Variants in HSDL2 observed in about 807,000 individuals in gnomAD.
HSDL2 encodes the protein hydroxysteroid dehydrogenase like 2.
In HSDL2, 27 loss-of-function variants were observed where a neutral mutation model predicts 46.3. That is an observed-to-expected ratio of 0.58 (90% confidence interval 0.43 to 0.80). The LOEUF (loss-of-function observed/expected upper bound fraction) is 0.80. HSDL2 is among the 30% of genes least tolerant of loss of function. HSDL2 has a pLI of 0.00. For missense variants in HSDL2, 451 were observed against 502.7 expected (o/e 0.90, Z 0.98); for synonymous variants, 153 against 163.6 (o/e 0.94, Z 0.50).
Position 112,454,174 on chromosome 9 carries a change from A to T in HSDL2, c.1015+12A>T. ...GTTTGAACTCTCCGGTAAGGACTGCATCTGGTAATCTGAAGTTTTTATGAA... is the reference window on the plus strand; with the variant it reads ...GTTTGAACTCTCCGGTAAGGACTGCTTCTGGTAATCTGAAGTTTTTATGAA... On this transcript the variant is annotated intron_variant, in intron 9 of 10. Coordinates refer to ENST00000398805, the MANE Select transcript of HSDL2 (RefSeq NM_032303.5). 6.3e-7 allele frequency: 1 copy of T among 1,595,826 alleles called. No homozygotes were observed. Among genetic ancestry groups the T allele is most frequent in the Non-Finnish European group, 8.5e-7 (1 of 1,174,020 alleles).
intron 8 of HSDL2, among the ~76,000 whole-genome samples, chr9:112,444,312 T>C (rs1230902725): frequency 6.6e-6 from 1 of 152,222 alleles, no homozygotes; most frequent in African/African-American, 2.4e-5. Flanking sequence ...CAACAACTTA[T>C]AATAACCCCT....
At chr9:112,439,425 T>C (rs1036943043) in intron 7 of HSDL2, among the ~76,000 whole-genome samples, 1 of 149,418 alleles carries the variant, frequency 6.7e-6, no homozygotes, top group Non-Finnish European at 1.5e-5. Context: ...CTCTGTCTCA[T>C]GGACAGTAAA....
At chr9:112,453,835 T>C (rs145887724) in intron 8 of HSDL2, among the ~76,000 whole-genome samples, 178 bp from the exon 9 acceptor site, 27 of 152,154 alleles carry the variant, frequency 1.8e-4, no homozygotes, top group African/African-American at 6.3e-4. Flanking sequence ...AATTGATGTG[T>C]GTTTGACTGT....
chr9:112,467,076 C>G (rs761329360), intron 10 of HSDL2, among the ~76,000 whole-genome samples: 4 of 152,116 alleles, frequency 2.6e-5, no homozygotes, highest in Non-Finnish European at 4.4e-5. Flanking sequence ...AATATATACT[C>G]AAAAGAATTG....
chr9:112,393,940 T>C (rs1269033963), intron 1 of HSDL2, among the ~76,000 whole-genome samples: 1 of 152,154 alleles, frequency 6.6e-6, no homozygotes, highest in Non-Finnish European at 1.5e-5. Context: ...AAGCAGAATG[T>C]TTGAATCTAC....
intron 1 of HSDL2, among the ~76,000 whole-genome samples, chr9:112,400,787 A>G (rs4978488): frequency 0.47 from 71,467 of 152,008 alleles, 17,131 homozygotes; most frequent in Admixed American, 0.55. Context: ...CCTTGTGTTC[A>G]GGGCTTGCAG....
intron 9 of HSDL2, among the ~76,000 whole-genome samples, chr9:112,455,281 A>T (rs1164821082): frequency 7.3e-6 from 1 of 137,312 alleles, no homozygotes; most frequent in Non-Finnish European, 1.6e-5. Flanking sequence ...AATTCGTGTT[A>T]AAAAAAAAAA....
chr9:112,434,522 C>T (rs1276075294), intron 6 of HSDL2, among the ~76,000 whole-genome samples: 3 of 152,184 alleles, frequency 2.0e-5, no homozygotes, highest in Admixed American at 6.5e-5. Context: ...ATTTGTACAT[C>T]TCTGATCTCA....
intron 1 of HSDL2, among the ~76,000 whole-genome samples, chr9:112,399,952 T>C (rs575938658): frequency 1.8e-4 from 27 of 152,336 alleles, no homozygotes; most frequent in Admixed American, 5.2e-4. Context: ...CTTACGAAGA[T>C]AACAGGATTA....
intron 6 of HSDL2, among the ~76,000 whole-genome samples, chr9:112,427,037 TATTA>T (rs564036699): frequency 8.0e-4 from 122 of 152,166 alleles, no homozygotes; most frequent in African/African-American, 1.1e-3. Flanking sequence ...ATTATTATAT[TATTA>T]ATTAATTAAT....
chr9:112,398,128 G>A (rs368616791), intron 1 of HSDL2, among the ~76,000 whole-genome samples: 1 of 152,112 alleles, frequency 6.6e-6, no homozygotes, highest in African/African-American at 2.4e-5. Flanking sequence ...GGCATTGGGG[G>A]AGCAGAAAAG....
chr9:112,382,003 C>T (rs372367168), intron 1 of HSDL2, among the ~76,000 whole-genome samples: 2 of 152,114 alleles, frequency 1.3e-5, no homozygotes, highest in Non-Finnish European at 2.9e-5. Flanking sequence ...TTTGGGAGGC[C>T]GAGGCGGGCG....
chr9:112,441,984 G>A (rs1771957709), intron 8 of HSDL2, among the ~76,000 whole-genome samples: 1 of 151,936 alleles, frequency 6.6e-6, no homozygotes, highest in African/African-American at 2.4e-5. Flanking sequence ...TAATAAGGCT[G>A]GGCACAGTGG....
intron 1 of HSDL2, among the ~76,000 whole-genome samples, chr9:112,384,241 G>C (rs1564099265): frequency 6.6e-6 from 1 of 152,148 alleles, no homozygotes; most frequent in Admixed American, 6.5e-5. Flanking sequence ...TAAACTGTAA[G>C]TTAGCTCTTC....
chr9:112,400,711 G>C (rs947381785), intron 1 of HSDL2, among the ~76,000 whole-genome samples: 8 of 152,248 alleles, frequency 5.3e-5, no homozygotes, highest in Admixed American at 3.3e-4. Flanking sequence ...CAGCAGGGCT[G>C]TGCTGTTGTA....
At chr9:112,416,681 G>A (rs1160228020) in intron 4 of HSDL2, among the ~76,000 whole-genome samples, 160 bp from the exon 5 acceptor site, 2 of 150,918 alleles carry the variant, frequency 1.3e-5, no homozygotes, top group African/African-American at 4.9e-5. Context: ...TGGGAGGATT[G>A]CTTGAGCCCA....
At chr9:112,421,637 G>C (rs906282841) in intron 6 of HSDL2, among the ~76,000 whole-genome samples, 1 of 152,146 alleles carries the variant, frequency 6.6e-6, no homozygotes, top group Non-Finnish European at 1.5e-5. Flanking sequence ...CTTGCCTCAA[G>C]TGATATATCC....
intron 1 of HSDL2, among the ~76,000 whole-genome samples, chr9:112,382,912 G>A (rs1160886439): frequency 6.6e-6 from 1 of 150,742 alleles, no homozygotes; most frequent in African/African-American, 2.4e-5. Context: ...GTCTCTTAAG[G>A]CTTTTGCATT....
intron 1 of HSDL2, among the ~76,000 whole-genome samples, chr9:112,390,613 G>A (rs758997847): frequency 1.3e-5 from 2 of 151,728 alleles, no homozygotes; most frequent in Non-Finnish European, 2.9e-5. Context: ...CCAATACACT[G>A]GGCTAATTTT....
Sources: allele counts gnomAD v4.1 joint callset (sites outside exome capture counted in the v4.1 genomes callset), GRCh38; gene constraint gnomAD v4.1.1; transcripts MANE v1.5; gene names NCBI Gene and HGNC (gene_info 2026-07-23, HGNC 2026-07-21).